Variants in CPEB1 observed in about 807,000 individuals in gnomAD.
CPEB1 encodes the protein cytoplasmic polyadenylation element-binding protein 1.
CPEB1 carries 7 observed loss-of-function variants against 65.8 expected under a neutral mutation model. The ratio of observed to expected loss-of-function variants is 0.11; its 90% CI spans 0.06 to 0.20. The LOEUF is 0.20. CPEB1 is among the 10% of genes least tolerant of loss of function. CPEB1 has a pLI of 1.00. For synonymous variants in CPEB1, 262 were observed against 260.0 expected (o/e 1.01, Z -0.08); for missense variants, 551 against 712.2 (o/e 0.77, Z 2.58).
chr15:82,601,065 G>A lies in CPEB1; in HGVS notation c.271+26128C>T, dbSNP rs142570670. ...GATTACAGGTGCGTGCCACCACACC[G>A]AGCTAATTTTTGTATTTTTTAGTAG... On this transcript the variant is annotated intron_variant, in intron 3 of 12. Transcript: ENST00000684509. 5.9e-3 allele frequency among the ~76,000 whole-genome samples: 890 copies of A among 150,022 alleles called. 18 individuals are homozygous for A. In the East Asian group the frequency reaches 0.086, roughly 15 times the overall value.
chr15:82,634,686 A>G (rs2151355106), intron 1 of CPEB1, among the ~76,000 whole-genome samples: 1 of 152,306 alleles, frequency 6.6e-6, no homozygotes, highest in Admixed American at 6.5e-5. Flanking sequence ...AAATGTGTTC[A>G]CACTAAAAAT....
intron 3 of CPEB1, among the ~76,000 whole-genome samples, chr15:82,593,240 T>C (rs1182931907): frequency 6.6e-6 from 1 of 152,216 alleles, no homozygotes; most frequent in Non-Finnish European, 1.5e-5. Context: ...TTACCTACCA[T>C]AGGAGAACTT....
chr15:82,582,151 G>C (rs75056149), intron 3 of CPEB1, among the ~76,000 whole-genome samples: 3,369 of 152,290 alleles, frequency 0.022, 125 homozygotes, highest in African/African-American at 0.076. Flanking sequence ...GGAGGCCACA[G>C]ATTCAGTATC....
intron 3 of CPEB1, among the ~76,000 whole-genome samples, chr15:82,593,839 C>T (rs182760471): frequency 3.3e-5 from 5 of 152,276 alleles, no homozygotes; most frequent in East Asian, 1.9e-4. Flanking sequence ...CATCAAAGCT[C>T]GAGTGACCAA....
At chr15:82,599,704 G>A (rs554632259) in intron 3 of CPEB1, among the ~76,000 whole-genome samples, 1 of 152,248 alleles carries the variant, frequency 6.6e-6, no homozygotes, top group East Asian at 1.9e-4. Context: ...ACATACCCAA[G>A]AAGGGAAATG....
intron 1 of CPEB1, among the ~76,000 whole-genome samples, chr15:82,642,918 C>T (rs587714631): frequency 6.6e-6 from 1 of 152,316 alleles, no homozygotes; most frequent in East Asian, 1.9e-4. Flanking sequence ...ATTTCTGTCT[C>T]AAACTGTAAG....
intron 4 of CPEB1, among the ~76,000 whole-genome samples, chr15:82,570,944 G>C (rs2039936296): frequency 6.6e-6 from 1 of 152,062 alleles, no homozygotes; most frequent in African/African-American, 2.4e-5. Context: ...GAGTAATTCT[G>C]GTCATCCAGT....
At chr15:82,635,297 G>A (rs1226957875) in intron 1 of CPEB1, among the ~76,000 whole-genome samples, 2 of 152,202 alleles carry the variant, frequency 1.3e-5, no homozygotes, top group East Asian at 3.8e-4. Context: ...CCACAGATCA[G>A]GAAATGCTAC....
chr15:82,604,300 G>C (rs978313447), intron 3 of CPEB1, among the ~76,000 whole-genome samples: 1 of 152,058 alleles, frequency 6.6e-6, no homozygotes, highest in Admixed American at 6.6e-5. Flanking sequence ...TGGCTAACAG[G>C]GTGAAACCCT....
At chr15:82,615,797 T>C (rs549277836) in intron 3 of CPEB1, among the ~76,000 whole-genome samples, 57 of 152,208 alleles carry the variant, frequency 3.7e-4, no homozygotes, top group Middle Eastern at 3.4e-3. Flanking sequence ...CAACTTGAAG[T>C]GTGAAGACAA....
At chr15:82,555,846 C>A (rs1435065524) in intron 6 of CPEB1, 24 bp downstream of exon 6, 1 of 1,597,686 alleles carries the variant, frequency 6.3e-7, no homozygotes, top group South Asian at 1.1e-5. Flanking sequence ...CCTCAGGCCT[C>A]ACACATGCTC....
At chr15:82,616,510 T>C (rs1396058700) in intron 3 of CPEB1, among the ~76,000 whole-genome samples, 1 of 151,950 alleles carries the variant, frequency 6.6e-6, no homozygotes, top group Non-Finnish European at 1.5e-5. Flanking sequence ...CGGTGGTAAA[T>C]ACATTATTTT....
chr15:82,574,936 C>T (rs1353066854), intron 3 of CPEB1, among the ~76,000 whole-genome samples: 1 of 152,092 alleles, frequency 6.6e-6, no homozygotes, highest in East Asian at 1.9e-4. Context: ...ATAGCTTAGC[C>T]TAGCATACCT....
At chr15:82,564,058 C>T (rs1180859758) in intron 4 of CPEB1, among the ~76,000 whole-genome samples, 6 of 151,988 alleles carry the variant, frequency 3.9e-5, no homozygotes, top group East Asian at 3.9e-4. Flanking sequence ...ATTTGCAGGC[C>T]CACATGTGTA....
intron 3 of CPEB1, among the ~76,000 whole-genome samples, chr15:82,620,014 A>G (rs1329275418): frequency 1.3e-5 from 2 of 152,228 alleles, no homozygotes; most frequent in Admixed American, 1.3e-4. Context: ...TTAACAGTAT[A>G]ATGAATAAGC....
intron 3 of CPEB1, among the ~76,000 whole-genome samples, chr15:82,600,473 G>C (rs1281040405): frequency 1.3e-5 from 2 of 151,974 alleles, no homozygotes; most frequent in Admixed American, 6.6e-5. Context: ...ACAATGAAAA[G>C]AGGACACATC....
At chr15:82,568,959 T>C (rs1242034894) in intron 4 of CPEB1, among the ~76,000 whole-genome samples, 1 of 152,188 alleles carries the variant, frequency 6.6e-6, no homozygotes, top group East Asian at 1.9e-4. Context: ...TTGGGCAATA[T>C]ATCACCAAGC....
chr15:82,580,685 TC>T (rs2041195951), intron 3 of CPEB1, among the ~76,000 whole-genome samples: 1 of 152,098 alleles, frequency 6.6e-6, no homozygotes, highest in Non-Finnish European at 1.5e-5. Flanking sequence ...CACTACCCTC[TC>T]CTCCTAGCCC....
At chr15:82,603,710 A>G (rs530013275) in intron 3 of CPEB1, among the ~76,000 whole-genome samples, 1 of 152,258 alleles carries the variant, frequency 6.6e-6, no homozygotes, top group South Asian at 2.1e-4. Context: ...TAAGCATGTA[A>G]GGCAGTTTCT....
Sources: allele counts gnomAD v4.1 joint callset (sites outside exome capture counted in the v4.1 genomes callset), GRCh38; gene constraint gnomAD v4.1.1; transcripts MANE v1.5; gene names NCBI Gene and HGNC (gene_info 2026-07-23, HGNC 2026-07-21).